The following FOXP1 variants were observed in gnomAD, a reference collection of about 807,000 sequenced individuals.
FOXP1 encodes the protein forkhead box protein P1.
Under a neutral mutation model 98.2 loss-of-function variants are expected in FOXP1, and 15 were observed. The observed-to-expected ratio is 0.15, with a 90% CI of 0.10 to 0.24. The LOEUF (loss-of-function observed/expected upper bound fraction) is 0.24. Ranked by LOEUF, FOXP1 falls within the 10% of genes least tolerant of loss-of-function variation. The pLI is 1.00. For synonymous variants in FOXP1, 371 were observed against 314.5 expected, an observed-to-expected ratio of 1.18 and a Z score of -1.90; for missense variants, 633 against 848.5, an observed-to-expected ratio of 0.75 and a Z score of 3.15.
At chr3:71,023,909 C>T (rs753353309) in intron 11 of FOXP1, among the ~76,000 whole-genome samples, 2 of 152,182 alleles carry the variant, frequency 1.3e-5, no homozygotes, top group Middle Eastern at 3.2e-3. Context: ...GAAACTTGAT[C>T]GCAACGACCT....
intron 5 of FOXP1, among the ~76,000 whole-genome samples, chr3:71,280,398 G>A (rs542996205): frequency 6.6e-6 from 1 of 150,874 alleles, no homozygotes; most frequent in African/African-American, 2.4e-5. Flanking sequence ...TCAGCTCACT[G>A]CAACCTCCGC....
intron 4 of FOXP1, among the ~76,000 whole-genome samples, chr3:71,339,299 A>G (rs1291758891): frequency 6.6e-6 from 1 of 152,258 alleles, no homozygotes; most frequent in Admixed American, 6.5e-5. Flanking sequence ...AAATAATGGT[A>G]AGGACCTGGA....
intron 3 of FOXP1, among the ~76,000 whole-genome samples, chr3:71,417,586 CA>C (rs1429644004): frequency 1.3e-5 from 2 of 151,664 alleles, no homozygotes; most frequent in Non-Finnish European, 2.9e-5. Context: ...ACATCTGAGA[CA>C]ATCTCAAAGT....
At chr3:71,255,962 T>C (rs1339784315) in intron 5 of FOXP1, among the ~76,000 whole-genome samples, 8 of 152,174 alleles carry the variant, frequency 5.3e-5, no homozygotes, top group Admixed American at 5.2e-4. Context: ...TCTATATTAA[T>C]CTCATGAATT....
At chr3:71,111,461 G>A (rs565368638) in intron 7 of FOXP1, among the ~76,000 whole-genome samples, 12 of 152,046 alleles carry the variant, frequency 7.9e-5, no homozygotes, top group Non-Finnish European at 1.5e-4. Context: ...ACAGTGGTGC[G>A]AGCTTGGCTC....
intron 4 of FOXP1, among the ~76,000 whole-genome samples, chr3:71,304,145 T>C (rs193043478): frequency 3.2e-4 from 48 of 152,258 alleles, no homozygotes; most frequent in Non-Finnish European, 5.4e-4. Flanking sequence ...AAACCTAAAA[T>C]ATTATACATT....
chr3:71,446,225 C>T (rs17656441), intron 3 of FOXP1, among the ~76,000 whole-genome samples: 36,676 of 152,010 alleles, frequency 0.24, 5,317 homozygotes, highest in Middle Eastern at 0.35. Context: ...GCTGCTGTCA[C>T]TTGTGGGCAC....
intron 2 of FOXP1, among the ~76,000 whole-genome samples, chr3:71,540,247 G>C (rs920719556): frequency 1.3e-5 from 2 of 152,256 alleles, no homozygotes; most frequent in African/African-American, 4.8e-5. Context: ...ACAAGGAAGA[G>C]AATAAGAGTA....
rs192582842 is a variant in FOXP1, at chr3:71,167,646, G to A, written c.180+30556C>T. Among the ~76,000 whole-genome samples, 35 of 152,284 alleles carry A rather than the reference G, an allele frequency of 2.3e-4. 1 individual carries two copies. The East Asian group carries it at 6.8e-3, about 29-fold the overall frequency. ...TAAGTGGATCCCAAGAAAGTCTTAA[G>A]AGGATGTCTTACTGCACCAATAGCT... On this transcript the variant is annotated intron_variant, in intron 6 of 20. Coordinates refer to ENST00000649528, the MANE Select transcript of FOXP1 (RefSeq NM_001349338.3).
intron 20 of FOXP1, among the ~76,000 whole-genome samples, chr3:70,961,842 C>T (rs1039981148): frequency 3.3e-5 from 5 of 152,156 alleles, no homozygotes; most frequent in East Asian, 1.9e-4. Context: ...AGGATGATCA[C>T]TTGAGCCCAG....
intron 5 of FOXP1, among the ~76,000 whole-genome samples, chr3:71,223,693 C>CAAAAA (rs34686001): frequency 4.4e-5 from 4 of 90,114 alleles, no homozygotes; most frequent in African/African-American, 7.0e-5. Flanking sequence ...GACTACGTCT[C>CAAAAA]AAAAAAAAAA....
intron 5 of FOXP1, among the ~76,000 whole-genome samples, chr3:71,236,292 T>C (rs767505072): frequency 5.9e-5 from 9 of 152,226 alleles, no homozygotes; most frequent in Non-Finnish European, 1.2e-4. Context: ...ACCTCTTTAG[T>C]GTTTCCCATG....
At chr3:71,404,593 A>G (rs765846308) in intron 3 of FOXP1, among the ~76,000 whole-genome samples, 1 of 152,068 alleles carries the variant, frequency 6.6e-6, no homozygotes, top group Non-Finnish European at 1.5e-5. Context: ...AAAACCCATA[A>G]TTGTTGACTT....
chr3:71,198,432 G>GGGGCCCCCCCCCCCCGCC, intron 5 of FOXP1, 40 bp from the exon 6 acceptor site: 1 of 491,034 alleles, frequency 2.0e-6, no homozygotes. Flanking sequence ...GGGAGGGGGG[G>GGGGCCCCCCCCCCCCGCC]AGAAAAAAAA....
In FOXP1 at chr3:71,274,433, T is replaced by G. The variant is rs1438121732; in HGVS notation, c.-12+25387A>C. 2.6e-5 allele frequency among the ~76,000 whole-genome samples: 4 copies of G among 151,972 alleles called. No homozygotes were observed. The South Asian group carries it at 8.3e-4, about 32-fold the overall frequency. ...GAGCAGCAAGGTGACAAGGATGGAG[T>G]TGCTGGAGCTCGTCACCACCAGGAA... is the stretch of plus-strand genomic sequence containing the variant. On this transcript the variant is annotated intron_variant, in intron 5 of 20. Coordinates refer to ENST00000649528, the MANE Select transcript of FOXP1 (RefSeq NM_001349338.3).
At chr3:71,229,292 T>A (rs955411986) in intron 5 of FOXP1, among the ~76,000 whole-genome samples, 1 of 152,222 alleles carries the variant, frequency 6.6e-6, no homozygotes, top group African/African-American at 2.4e-5. Flanking sequence ...GTACTGAGCA[T>A]GTTTCAAATA....
chr3:71,156,820 G>A (rs1185039491), intron 6 of FOXP1, among the ~76,000 whole-genome samples: 3 of 152,224 alleles, frequency 2.0e-5, no homozygotes, highest in Non-Finnish European at 4.4e-5. Context: ...ACAGCAAGGA[G>A]TCCAGGAGAT....
At chr3:71,196,633 G>A (rs1287221944) in intron 6 of FOXP1, among the ~76,000 whole-genome samples, 1 of 152,192 alleles carries the variant, frequency 6.6e-6, no homozygotes, top group African/African-American at 2.4e-5. Flanking sequence ...ATAGCATTCA[G>A]CAACATTAAC....
At chr3:71,544,060 T>C (rs532541858) in intron 2 of FOXP1, among the ~76,000 whole-genome samples, 1 of 151,658 alleles carries the variant, frequency 6.6e-6, no homozygotes, top group East Asian at 1.9e-4. Flanking sequence ...TGTATACACA[T>C]ACATATACAC....
Sources: allele counts gnomAD v4.1 joint callset (sites outside exome capture counted in the v4.1 genomes callset), GRCh38; gene constraint gnomAD v4.1.1; transcripts MANE v1.5; gene names NCBI Gene and HGNC (gene_info 2026-07-23, HGNC 2026-07-21).